The following GABBR2 variants were observed in gnomAD, a reference collection of about 807,000 sequenced individuals.
GABBR2 encodes the protein G-protein coupled receptor 51.
In GABBR2, 23 loss-of-function variants were observed where a neutral mutation model predicts 105.6. The ratio of observed to expected loss-of-function variants is 0.22; its 90% CI spans 0.16 to 0.31. The LOEUF (loss-of-function observed/expected upper bound fraction) is 0.31, where lower values mean the gene tolerates loss of function less well. Ranked by LOEUF, GABBR2 falls within the 10% of genes least tolerant of loss-of-function variation. The probability of loss-of-function intolerance (pLI) is 1.00; values close to 1 mark genes in which losing one functional copy is unlikely to be tolerated. For missense variants in GABBR2, 734 were observed against 1,245.5 expected (o/e 0.59, Z 6.18); for synonymous variants, 478 against 499.7 (o/e 0.96, Z 0.58).
At chr9:98,541,757 C>A in intron 3 of GABBR2, 116 bp downstream of exon 3, 2 of 896,698 alleles carry the variant, frequency 2.2e-6, no homozygotes, top group South Asian at 3.4e-5. Flanking sequence ...TCGCACTAAC[C>A]AACACATGCT....
intron 13 of GABBR2, among the ~76,000 whole-genome samples, chr9:98,349,349 G>GTTTTTTTT (rs1182072320): frequency 1.3e-3 from 32 of 24,196 alleles, no homozygotes; most frequent in Non-Finnish European, 1.8e-3. Flanking sequence ...TTGAAGTTTT[G>GTTTTTTTT]TTTTTTTTTT....
intron 1 of GABBR2, among the ~76,000 whole-genome samples, chr9:98,645,683 C>A (rs561790912): frequency 5.6e-4 from 85 of 152,296 alleles, no homozygotes; most frequent in Non-Finnish European, 1.0e-3. Flanking sequence ...GGGCAGGATA[C>A]TTCTAATTAA....
intron 13 of GABBR2, among the ~76,000 whole-genome samples, chr9:98,351,811 C>G (rs1024664969): frequency 6.6e-6 from 1 of 152,134 alleles, no homozygotes; most frequent in African/African-American, 2.4e-5. Flanking sequence ...TCTTTTCTGG[C>G]ATTTCATAGA....
At chr9:98,652,149 CATT>C (rs1230106704) in intron 1 of GABBR2, among the ~76,000 whole-genome samples, 4 of 152,146 alleles carry the variant, frequency 2.6e-5, no homozygotes, top group Non-Finnish European at 4.4e-5. Flanking sequence ...ATCATAGTTA[CATT>C]ATGTGTATTA....
At chr9:98,369,736 G>C (rs1045971049) in intron 12 of GABBR2, among the ~76,000 whole-genome samples, 1 of 152,094 alleles carries the variant, frequency 6.6e-6, no homozygotes, top group African/African-American at 2.4e-5. Flanking sequence ...CCCACAGTGA[G>C]GATCTGCAGA....
intron 3 of GABBR2, among the ~76,000 whole-genome samples, chr9:98,497,473 G>A (rs2131672544): frequency 6.6e-6 from 1 of 152,258 alleles, no homozygotes; most frequent in South Asian, 2.1e-4. Flanking sequence ...CTTAAAGTCT[G>A]TATCTGGCCT....
chr9:98,476,054 A>T (rs947063672), intron 5 of GABBR2, among the ~76,000 whole-genome samples: 6 of 152,174 alleles, frequency 3.9e-5, no homozygotes, highest in African/African-American at 9.7e-5. Context: ...ACAGAGTGAG[A>T]CTCTGTCTCA....
At chr9:98,593,294 G>A (rs763438578) in intron 1 of GABBR2, among the ~76,000 whole-genome samples, 2 of 152,206 alleles carry the variant, frequency 1.3e-5, no homozygotes, top group Non-Finnish European at 2.9e-5. Context: ...TCTCAAGAGT[G>A]CTTCGACCTG....
In GABBR2 at chr9:98,483,817, G is replaced by C. The variant is rs116767432; in HGVS notation, c.733-2820C>G. Among the ~76,000 whole-genome samples the C allele has an allele frequency of 7.5e-3, 1,148 of 152,216 alleles. 21 individuals are homozygous for C. Among genetic ancestry groups the C allele is most frequent in the African/African-American group, 0.026 (1,079 of 41,530 alleles). On this transcript the variant is annotated intron_variant, in intron 4 of 18. Transcript: ENST00000259455. ...GCTTGGTGGCCACTTCTTCCTCTGT[G>C]AGCCTGGATCACCCTGTGCTTGCCT...
At chr9:98,691,465 C>T (rs926548602) in intron 1 of GABBR2, among the ~76,000 whole-genome samples, 3 of 152,224 alleles carry the variant, frequency 2.0e-5, no homozygotes, top group Non-Finnish European at 2.9e-5. Flanking sequence ...GGTGACCTTG[C>T]CCAGCTCTCC....
chr9:98,500,423 C>T (rs912624012), intron 3 of GABBR2, among the ~76,000 whole-genome samples: 1 of 152,092 alleles, frequency 6.6e-6, no homozygotes, highest in African/African-American at 2.4e-5. Context: ...GGAAGGGAGC[C>T]CCAGGAGGGC....
Position 98,388,794 on chromosome 9 carries a change from G to T in GABBR2, c.1529+60C>A. On this transcript the variant is annotated intron_variant, in intron 10 of 18. Transcript: ENST00000259455. This position sits in a 1 kb window ranked among gnomAD's most constrained non-coding sequence, Gnocchi z 4.4. The stretch of plus-strand genomic sequence containing the variant: ...ATCTGTCATGTGGCACTCCTATACT[G>T]TGTCCATAGGCTTGTCAATTTAGAA... 1 of 1,400,544 alleles carries T rather than the reference G, an allele frequency of 7.1e-7. No individual in the cohort carries two copies. The highest frequency in any genetic ancestry group is 2.3e-5 in the East Asian group (1 of 43,646). The allele number at this position is 1,400,544 out of a possible 1,614,324, so 86.8% of individuals were successfully genotyped here.
At position 98,428,455 on chromosome 9, in the gene GABBR2, C is replaced by T. The variant is rs545172095; in HGVS notation, c.1237-22314G>A. ...CTCTTGCCTATATTGAACCAGAAAC[C>T]AGAAGACAGGGGATGTCATCATGGG... On this transcript the variant is annotated intron_variant, in intron 7 of 18. Transcript: ENST00000259455. Among the ~76,000 whole-genome samples, 3 of 152,258 alleles carry T rather than the reference C, an allele frequency of 2.0e-5. No individual in the cohort carries two copies. The East Asian group carries it at 5.8e-4, about 29-fold the overall frequency.
chr9:98,417,855 T>C (rs1342060611), intron 7 of GABBR2, among the ~76,000 whole-genome samples: 1 of 152,058 alleles, frequency 6.6e-6, no homozygotes, highest in East Asian at 1.9e-4. Flanking sequence ...CAGAGAAGAA[T>C]GACCATGTTA....
chr9:98,362,701 C>A lies in GABBR2; in HGVS notation c.1893+14G>T. On this transcript the variant is annotated intron_variant, in intron 13 of 18. Coordinates refer to ENST00000259455, the MANE Select transcript of GABBR2 (RefSeq NM_005458.8). ...CATCTGCAGGCTTCCCTCCTGCCGG[C>A]ATGGAGGGCTTACCTCCATGCTGTA... is the stretch of plus-strand genomic sequence containing the variant. The A allele has an allele frequency of 6.6e-7, 1 of 1,519,206 alleles. No homozygotes were observed. Among genetic ancestry groups the A allele is most frequent in the Non-Finnish European group, 8.8e-7 (1 of 1,135,910 alleles). 94.1% of individuals were successfully genotyped at this position (1,519,206 alleles called of 1,614,324 possible).
intron 7 of GABBR2, among the ~76,000 whole-genome samples, chr9:98,447,819 G>A (rs1588166424): frequency 6.6e-6 from 1 of 151,662 alleles, no homozygotes; most frequent in Non-Finnish European, 1.5e-5. Context: ...AGGGTGGGTG[G>A]TGGGGTGGTG....
chr9:98,306,627 T>C lies in GABBR2; in HGVS notation c.2005-282A>G, dbSNP rs1830554985. 6.3e-6 allele frequency: 3 copies of C among 479,902 alleles called. No homozygotes were observed. The highest frequency in any genetic ancestry group is 1.1e-5 in the Non-Finnish European group (3 of 262,916). The allele number at this position is 479,902 out of a possible 1,614,324, so 29.7% of individuals were successfully genotyped here. On this transcript the variant is annotated intron_variant, in intron 14 of 18. Transcript: ENST00000259455. The surrounding 1 kb of genome is among the most constrained non-coding windows in gnomAD (Gnocchi z 5.4). ...TGCACAGACCTGCCCAAGGCTACAGTGGAAGGGAACTTCAGATAAGATCTC... is the reference window on the plus strand; with the variant it reads ...TGCACAGACCTGCCCAAGGCTACAGCGGAAGGGAACTTCAGATAAGATCTC...
At chr9:98,313,025 C>T (rs989809712) in intron 13 of GABBR2, among the ~76,000 whole-genome samples, 2 of 152,236 alleles carry the variant, frequency 1.3e-5, no homozygotes, top group Non-Finnish European at 2.9e-5. Context: ...GCTGGGATTA[C>T]AGGCATGGGC....
Position 98,646,057 on chromosome 9 carries a change from C to T in GABBR2, c.321+62360G>A, listed in dbSNP as rs969624370. 3.9e-5 allele frequency among the ~76,000 whole-genome samples: 6 copies of T among 152,218 alleles called. No individual in the cohort carries two copies. The East Asian group carries it at 5.8e-4, about 15-fold the overall frequency. ...TGAGCACTGTAATACTTTCTCTGGG[C>T]GGAAAAGGGTTAACACAGCGGGTCT... is the stretch of plus-strand genomic sequence containing the variant. On this transcript the variant is annotated intron_variant, in intron 1 of 18. Coordinates refer to ENST00000259455, the MANE Select transcript of GABBR2 (RefSeq NM_005458.8).
Sources: gnomAD v4.1 joint callset for allele counts (sites outside exome capture counted in the v4.1 genomes callset) on GRCh38, gnomAD v4.1.1 for gene constraint, Gnocchi (gnomAD v3.1) non-coding constraint, MANE v1.5 for transcripts, NCBI Gene and HGNC (gene_info 2026-07-23, HGNC 2026-07-21) for gene names.